DLG2: variants seen among roughly 807,000 people sequenced by gnomAD.
DLG2 encodes disks large homolog 2.
In DLG2, 45 loss-of-function variants were observed where a neutral mutation model predicts 132.5. That is an observed-to-expected ratio of 0.34 (90% CI 0.27 to 0.44). The LOEUF is 0.44. DLG2 is among the 20% of genes least tolerant of loss of function. The probability of loss-of-function intolerance (pLI) is 1.00; values close to 1 mark genes in which losing one functional copy is unlikely to be tolerated. For missense variants in DLG2, 1,045 were observed against 1,196.9 expected (o/e 0.87, Z 1.87); for synonymous variants, 424 against 419.6 (o/e 1.01, Z -0.13).
intron 10 of DLG2, among the ~76,000 whole-genome samples, chr11:84,091,680 A>G (rs1223846042): frequency 6.6e-6 from 1 of 152,218 alleles, no homozygotes; most frequent in African/African-American, 2.4e-5. Context: ...TCAGTTTAAG[A>G]CAACATATAC....
chr11:85,466,962 T>G (rs1256697193), intron 3 of DLG2, among the ~76,000 whole-genome samples: 1 of 152,304 alleles, frequency 6.6e-6, no homozygotes, highest in East Asian at 1.9e-4. Flanking sequence ...TTCTTCCATT[T>G]GTTTGTATCC....
chr11:84,048,932 T>A (rs909454839), intron 11 of DLG2, among the ~76,000 whole-genome samples: 1 of 151,678 alleles, frequency 6.6e-6, no homozygotes, highest in Non-Finnish European at 1.5e-5. Flanking sequence ...CGGTACTAAG[T>A]GTTAAGAACA....
intron 19 of DLG2, among the ~76,000 whole-genome samples, chr11:83,614,555 C>CA (rs140683806): frequency 0.015 from 2,221 of 152,156 alleles, 63 homozygotes; most frequent in African/African-American, 0.051. Context: ...TCCATCCCTA[C>CA]AAAAAATACA....
At chr11:84,644,503 G>C (rs1019537501) in intron 6 of DLG2, among the ~76,000 whole-genome samples, 3 of 151,728 alleles carry the variant, frequency 2.0e-5, no homozygotes, top group Non-Finnish European at 2.9e-5. Flanking sequence ...TCAGGAGATC[G>C]AGACCATCCT....
At chr11:85,120,994 A>G (rs1316537778) in intron 5 of DLG2, among the ~76,000 whole-genome samples, 1 of 152,062 alleles carries the variant, frequency 6.6e-6, no homozygotes, top group African/African-American at 2.4e-5. Flanking sequence ...CAGCTCCTGT[A>G]TGCATAGTGC....
intron 6 of DLG2, among the ~76,000 whole-genome samples, chr11:84,752,105 C>T (rs549422625): frequency 1.3e-5 from 2 of 152,254 alleles, no homozygotes; most frequent in African/African-American, 2.4e-5. Flanking sequence ...CATCTTATGT[C>T]GTGGAGAAAA....
At chr11:83,927,664 A>G (rs2154127310) in intron 15 of DLG2, among the ~76,000 whole-genome samples, 1 of 152,268 alleles carries the variant, frequency 6.6e-6, no homozygotes, top group South Asian at 2.1e-4. Flanking sequence ...TTCGCATTGC[A>G]TCCTAATGCA....
intron 15 of DLG2, among the ~76,000 whole-genome samples, chr11:83,903,697 TTA>T (rs1290149496): frequency 6.6e-6 from 1 of 152,178 alleles, no homozygotes; most frequent in Non-Finnish European, 1.5e-5. Flanking sequence ...TGTAGTTGCT[TTA>T]TATTTTCAAC....
chr11:83,873,981 C>T lies in DLG2; in HGVS notation c.1565+439G>A, dbSNP rs180715722. 5.7e-3 allele frequency among the ~76,000 whole-genome samples: 873 copies of T among 152,212 alleles called. 7 individuals carry two copies. Among genetic ancestry groups the T allele is most frequent in the African/African-American group, 0.02 (827 of 41,524 alleles). On this transcript the variant is annotated intron_variant, in intron 16 of 27. Coordinates refer to ENST00000376104, the MANE Select transcript of DLG2 (RefSeq NM_001142699.3). ...CTATCATTTGTACTAGACAATGAAG[C>T]CCTCTGGAGGGCAAGAAGAAATCTT... is the stretch of plus-strand genomic sequence containing the variant.
chr11:83,884,307 G>A (rs930512180), intron 15 of DLG2, among the ~76,000 whole-genome samples: 22 of 152,332 alleles, frequency 1.4e-4, no homozygotes, highest in East Asian at 1.4e-3. Flanking sequence ...CATCTGGCTC[G>A]GAGGGTCCTA....
chr11:85,599,842 C>G (rs1027135884), intron 2 of DLG2, among the ~76,000 whole-genome samples: 2 of 152,152 alleles, frequency 1.3e-5, no homozygotes, highest in Non-Finnish European at 2.9e-5. Flanking sequence ...TGTCTTCATC[C>G]TTCACAAGAC....
intron 2 of DLG2, among the ~76,000 whole-genome samples, chr11:85,626,170 G>A (rs2082019126): frequency 6.6e-6 from 1 of 152,188 alleles, no homozygotes; most frequent in African/African-American, 2.4e-5. Context: ...ATTTTGTTCA[G>A]TGCAAATGAA....
intron 3 of DLG2, among the ~76,000 whole-genome samples, chr11:85,385,270 A>T (rs559703975): frequency 2.4e-4 from 36 of 152,356 alleles, no homozygotes; most frequent in African/African-American, 8.7e-4. Context: ...ATGTGCTTGA[A>T]TAGGAAATGA....
At chr11:84,201,302 A>G (rs1265400942) in intron 8 of DLG2, among the ~76,000 whole-genome samples, 1 of 152,094 alleles carries the variant, frequency 6.6e-6, no homozygotes, top group East Asian at 1.9e-4. Flanking sequence ...AGCCTATTTG[A>G]CTGTAATGGA....
chr11:84,359,753 A>T (rs2098638727), intron 7 of DLG2, among the ~76,000 whole-genome samples: 1 of 151,844 alleles, frequency 6.6e-6, no homozygotes, highest in Non-Finnish European at 1.5e-5. Flanking sequence ...TCTTAAGCAT[A>T]TTAGAGCTTC....
At chr11:84,881,557 T>C (rs147462918) in intron 6 of DLG2, among the ~76,000 whole-genome samples, 96 of 152,268 alleles carry the variant, frequency 6.3e-4, no homozygotes, top group Non-Finnish European at 1.1e-3. Flanking sequence ...TTGGGGCACA[T>C]GATTGTGCAC....
chr11:84,568,174 G>T (rs142271256), intron 6 of DLG2, among the ~76,000 whole-genome samples: 134 of 152,246 alleles, frequency 8.8e-4, no homozygotes, highest in African/African-American at 3.1e-3. Flanking sequence ...CATGGATCTT[G>T]GTGGTACTTC....
At chr11:83,957,729 T>A (rs1160947497) in intron 14 of DLG2, among the ~76,000 whole-genome samples, 1 of 152,138 alleles carries the variant, frequency 6.6e-6, no homozygotes, top group Non-Finnish European at 1.5e-5. Context: ...CATTATCTCA[T>A]CTCTTTCTGG....
chr11:83,718,532 G>GAAAAAAAAAAAAAA (rs57237354), intron 18 of DLG2, among the ~76,000 whole-genome samples: 25 of 106,008 alleles, frequency 2.4e-4, no homozygotes, highest in African/African-American at 5.1e-4. Flanking sequence ...CTCAAAAAAA[G>GAAAAAAAAAAAAAA]AAAAAAAAAA....
Sources: allele counts gnomAD v4.1 joint callset (sites outside exome capture counted in the v4.1 genomes callset), GRCh38; gene constraint gnomAD v4.1.1; transcripts MANE v1.5; gene names NCBI Gene and HGNC (gene_info 2026-07-23, HGNC 2026-07-21).